Variants in PTPN6 observed in about 807,000 individuals in gnomAD.
The protein encoded by PTPN6 is protein tyrosine phosphatase non-receptor type 6.
PTPN6 carries 18 observed loss-of-function variants against 81.5 expected under a neutral mutation model. That is an observed-to-expected ratio of 0.22 (90% CI 0.15 to 0.33). The LOEUF (loss-of-function observed/expected upper bound fraction) is 0.33, where lower values mean the gene tolerates loss of function less well. Ranked by LOEUF, PTPN6 falls within the 10% of genes least tolerant of loss-of-function variation. PTPN6 has a pLI of 1.00. For synonymous variants in PTPN6, 301 were observed against 310.9 expected, an observed-to-expected ratio of 0.97 and a Z score of 0.33; for missense variants, 500 against 794.2, an observed-to-expected ratio of 0.63 and a Z score of 4.45.
upstream of PTPN6, among the ~76,000 whole-genome samples, chr12:6,950,507 G>A (rs750758873): frequency 1.3e-5 from 2 of 152,188 alleles, no homozygotes; most frequent in Non-Finnish European, 2.9e-5. Context: ...CCTGGTGGGA[G>A]TGCTGGGGCA....
Position 6,951,862 on chromosome 12 carries a change from C to A in PTPN6, c.132-121C>A, listed in dbSNP as rs782765425. 2 of 1,561,710 alleles carry A rather than the reference C, an allele frequency of 1.3e-6. No individual in the cohort carries two copies. Among genetic ancestry groups the A allele is most frequent in the Non-Finnish European group, 1.7e-6 (2 of 1,143,842 alleles). On this transcript the variant is annotated intron_variant, in intron 2 of 15. Coordinates refer to ENST00000318974, the MANE Select transcript of PTPN6 (RefSeq NM_002831.6). This position sits in a 1 kb window ranked among gnomAD's most constrained non-coding sequence, Gnocchi z 7.2. ...TGTTCCCTTGCCCCCAACCCCCACA[C>A]TCCCCATCCCTGTCTGTGCCCACCC...
chr12:6,960,267 G>T lies in PTPN6; in HGVS notation c.1581+28G>T, dbSNP rs371725516. 2.3e-5 allele frequency: 37 copies of T among 1,607,114 alleles called. No homozygotes were observed. Among genetic ancestry groups the T allele is most frequent in the East Asian group, 4.5e-5 (2 of 44,708 alleles). On this transcript the variant is annotated intron_variant, in intron 13 of 15. Coordinates refer to ENST00000318974, the MANE Select transcript of PTPN6 (RefSeq NM_002831.6). The surrounding 1 kb of genome is among the most constrained non-coding windows in gnomAD (Gnocchi z 6.1). ...GCGTGCAGAGCAGGGCCTGGGGGGG[G>T]GGGGGGCTGCAGTGCAGGATGGGTG...
In PTPN6 at chr12:6,956,347, CA is replaced by C; in HGVS notation, c.925-71del. On this transcript the variant is annotated intron_variant, in intron 8 of 15. Coordinates refer to ENST00000318974, the MANE Select transcript of PTPN6 (RefSeq NM_002831.6). The surrounding 1 kb of genome is among the most constrained non-coding windows in gnomAD (Gnocchi z 4.1). Reference sequence around the variant, plus strand: ...TGGCTTCTTGCATGGGTGAGGGTGGCAGTGGTTCAGGGCCTGTGCTGGGCCA... The same window carrying C: ...TGGCTTCTTGCATGGGTGAGGGTGGCGTGGTTCAGGGCCTGTGCTGGGCCA... 1.9e-6 allele frequency: 3 copies of C among 1,612,136 alleles called. No homozygotes were observed. In the South Asian group the frequency reaches 3.3e-5, roughly 18 times the overall value.
At position 6,956,718 on chromosome 12, in the gene PTPN6, C is replaced by A; in HGVS notation, c.1074+150C>A. On this transcript the variant is annotated intron_variant, in intron 9 of 15. Coordinates refer to ENST00000318974, the MANE Select transcript of PTPN6 (RefSeq NM_002831.6). The surrounding 1 kb of genome is among the most constrained non-coding windows in gnomAD (Gnocchi z 4.1). ...CTGAGGGCTAGTGACAAAGTCTCGA[C>A]TACACAACGTGACCCCCAGATCCCT... 1.9e-6 allele frequency: 2 copies of A among 1,068,270 alleles called. No homozygotes were observed. Among genetic ancestry groups the A allele is most frequent in the Non-Finnish European group, 2.7e-6 (2 of 734,226 alleles). 66.2% of individuals were successfully genotyped at this position (1,068,270 alleles called of 1,614,324 possible).
Position 6,956,681 on chromosome 12 carries a change from C to A in PTPN6, c.1074+113C>A. 1.4e-6 allele frequency: 2 copies of A among 1,426,576 alleles called. No individual in the cohort carries two copies. The highest frequency in any genetic ancestry group is 1.9e-6 in the Non-Finnish European group (2 of 1,036,530). The allele number at this position is 1,426,576 out of a possible 1,614,324, so 88.4% of individuals were successfully genotyped here. The stretch of plus-strand genomic sequence containing the variant: ...GGATCTCAGGGGTGAGGGTCCGGCC[C>A]TTGTTGGGAAACTGAGGGCTAGTGA... On this transcript the variant is annotated intron_variant, in intron 9 of 15. Coordinates refer to ENST00000318974, the MANE Select transcript of PTPN6 (RefSeq NM_002831.6). This position sits in a 1 kb window ranked among gnomAD's most constrained non-coding sequence, Gnocchi z 4.1.
rs1946090079 is a variant in PTPN6 at position 6,959,483 on chromosome 12, A to G, written c.1362-444A>G. On this transcript the variant is annotated intron_variant, in intron 11 of 15. Transcript: ENST00000318974. This position sits in a 1 kb window ranked among gnomAD's most constrained non-coding sequence, Gnocchi z 6.6. ...CCCCGCACCCTGCTGTCTCAGGGCT[A>G]TCCTTTCCCTGACGTCAGGGTTTGA... The G allele has an allele frequency of 1.7e-5, 5 of 289,564 alleles. No homozygotes were observed. The highest frequency in any genetic ancestry group is 1.7e-4 in the South Asian group (5 of 30,146). The allele number at this position is 289,564 out of a possible 1,614,324, so 17.9% of individuals were successfully genotyped here.
chr12:6,961,046 T>G (rs1252231741), intron 15 of PTPN6, 80 bp from the exon 16 acceptor site: 1 of 1,512,556 alleles, frequency 6.6e-7, no homozygotes, highest in Non-Finnish European at 8.9e-7. Context: ...CATTCTGTGC[T>G]TCCCAGCTGC....
chr12:6,955,301 C>G lies in PTPN6; in HGVS notation c.633+34C>G. 6.2e-7 allele frequency: 1 copy of G among 1,611,818 alleles called. No individual in the cohort carries two copies. The highest frequency in any genetic ancestry group is 1.3e-5 in the African/African-American group (1 of 74,988). On this transcript the variant is annotated intron_variant, in intron 5 of 15. Coordinates refer to ENST00000318974, the MANE Select transcript of PTPN6 (RefSeq NM_002831.6). The surrounding 1 kb of genome is among the most constrained non-coding windows in gnomAD (Gnocchi z 7.2). Reference sequence around the variant, plus strand: ...TGGGCCCAGCTGCCTCCCCACTTCCCCTGAGCTGTCCCCCAGATGTGAGCT... The same window carrying G: ...TGGGCCCAGCTGCCTCCCCACTTCCGCTGAGCTGTCCCCCAGATGTGAGCT...
At position 6,955,378 on chromosome 12, in the gene PTPN6, T is replaced by C. The variant is rs1555148455; in HGVS notation, c.640T>C (p.Tyr214His). The change falls in exon 6 of 16, where the codon TAT becomes CAT. Residue 214 changes from tyrosine to histidine, a missense_variant. Around this residue, in one of 6 missense-constraint regions of PTPN6, gnomAD observed 96 missense variants for 137.3 expected, o/e 0.70. Transcript: ENST00000318974. The surrounding 1 kb of genome is among the most constrained non-coding windows in gnomAD (Gnocchi z 7.2). ...TCGCTCTTCCCCACCCCAGCCGTACTATGCCACGAGGGTGAATGCGGCTGA... is the reference window on the plus strand; with the variant it reads ...TCGCTCTTCCCCACCCCAGCCGTACCATGCCACGAGGGTGAATGCGGCTGA... ...GAFVYLRQPY[Y>H]ATRVNAADIE... 3 of 1,614,104 alleles carry C rather than the reference T, an allele frequency of 1.9e-6. No homozygotes were observed.
At position 6,960,265 on chromosome 12, in the gene PTPN6, G is replaced by GGA; in HGVS notation, c.1581+27_1581+28insAG. The GGA allele has an allele frequency of 6.2e-7, 1 of 1,607,048 alleles. No homozygotes were observed. Among genetic ancestry groups the GGA allele is most frequent in the Non-Finnish European group, 8.5e-7 (1 of 1,178,382 alleles). ...GTGCGTGCAGAGCAGGGCCTGGGGG[G>GGA]GGGGGGGGCTGCAGTGCAGGATGGG... On this transcript the variant is annotated intron_variant, in intron 13 of 15. Transcript: ENST00000318974. The surrounding 1 kb of genome is among the most constrained non-coding windows in gnomAD (Gnocchi z 6.1).
chr12:6,947,676 A>T (rs1331778000), upstream of PTPN6, among the ~76,000 whole-genome samples: 9 of 151,794 alleles, frequency 5.9e-5, no homozygotes, highest in Non-Finnish European at 1.3e-4. Context: ...CTCAAAAAAA[A>T]AAAAAAAAAA....
chr12:6,955,897 G>T lies in PTPN6; in HGVS notation c.844+141G>T, dbSNP rs1277510153. On this transcript the variant is annotated intron_variant, in intron 7 of 15. Transcript: ENST00000318974. This position sits in a 1 kb window ranked among gnomAD's most constrained non-coding sequence, Gnocchi z 7.2. ...ACAGAGCCTCCCCCTTCTCCAAAAG[G>T]CCTCTACTCCTCCCAGAAGTGCCTC... The T allele has an allele frequency of 2.2e-6, 2 of 889,162 alleles. No individual in the cohort carries two copies. The highest frequency in any genetic ancestry group is 3.4e-5 in the African/African-American group (2 of 59,402). 55.1% of individuals were successfully genotyped at this position (889,162 alleles called of 1,614,324 possible). A position where few individuals can be genotyped will look rare whatever the true frequency, so the allele number is the denominator to read the frequency against.
chr12:6,949,393 A>T (rs1024451494), upstream of PTPN6, among the ~76,000 whole-genome samples: 4 of 152,186 alleles, frequency 2.6e-5, no homozygotes. Context: ...GGGCTGTGGC[A>T]GTGCCCATCC....
upstream of PTPN6, among the ~76,000 whole-genome samples, chr12:6,947,177 C>T (rs1945837761): frequency 6.6e-6 from 1 of 152,214 alleles, no homozygotes; most frequent in Non-Finnish European, 1.5e-5. Flanking sequence ...TCCCTTTCCC[C>T]TGCATCATTC....
Position 6,956,107 on chromosome 12 carries a change from C to A in PTPN6, c.845-35C>A. 6.2e-7 allele frequency: 1 copy of A among 1,610,628 alleles called. No homozygotes were observed. Among genetic ancestry groups the A allele is most frequent in the East Asian group, 2.2e-5 (1 of 44,858 alleles). On this transcript the variant is annotated intron_variant, in intron 7 of 15. Coordinates refer to ENST00000318974, the MANE Select transcript of PTPN6 (RefSeq NM_002831.6). The surrounding 1 kb of genome is among the most constrained non-coding windows in gnomAD (Gnocchi z 4.1). ...CAGGTGTGGTGAGTCCCTGGCTAAC[C>A]CAGACCATCTCGCCTCCTCTCCGCC...
Position 6,952,282 on chromosome 12 carries a change from A to T in PTPN6, c.326+105A>T. ...TGGCAGCCGGCGCTGCCTACCCTCC[A>T]TCCCCTCCCCTCCCTGCACCAGCTG... On this transcript the variant is annotated intron_variant, in intron 3 of 15. Transcript: ENST00000318974. The surrounding 1 kb of genome is among the most constrained non-coding windows in gnomAD (Gnocchi z 8.1). 1 of 1,367,362 alleles carries T rather than the reference A, an allele frequency of 7.3e-7. No individual in the cohort carries two copies. The highest frequency in any genetic ancestry group is 1.0e-6 in the Non-Finnish European group (1 of 968,062). The allele number at this position is 1,367,362 out of a possible 1,614,324, so 84.7% of individuals were successfully genotyped here. A position where few individuals can be genotyped will look rare whatever the true frequency, so the allele number is the denominator to read the frequency against.
At chr12:6,946,618 C>A, upstream of PTPN6, 1 of 886,640 alleles carries the variant, frequency 1.1e-6, no homozygotes, top group Non-Finnish European at 1.9e-6. Context: ...TGGCTGATTA[C>A]TGAGCGGTTC....
In PTPN6 at chr12:6,956,073, G is replaced by T. The variant is rs957449327; in HGVS notation, c.845-69G>T. ...CCAGAATGGCCTGTTAGCTCAGGAG[G>T]GTCTGACCCAGGTGTGGTGAGTCCC... On this transcript the variant is annotated intron_variant, in intron 7 of 15. Transcript: ENST00000318974. The surrounding 1 kb of genome is among the most constrained non-coding windows in gnomAD (Gnocchi z 4.1). 5.0e-5 allele frequency: 75 copies of T among 1,506,362 alleles called. No homozygotes were observed. In the East Asian group the frequency reaches 5.9e-4, roughly 12 times the overall value. 93.3% of individuals were successfully genotyped at this position (1,506,362 alleles called of 1,614,324 possible).
chr12:6,957,032 A>G lies in PTPN6; in HGVS notation c.1074+464A>G, dbSNP rs1555148826. On this transcript the variant is annotated intron_variant, in intron 9 of 15. Coordinates refer to ENST00000318974, the MANE Select transcript of PTPN6 (RefSeq NM_002831.6). This position sits in a 1 kb window ranked among gnomAD's most constrained non-coding sequence, Gnocchi z 6.5. Reference sequence around the variant, plus strand: ...ATAAAGTCGCACTCTAAGGCCTGGCATTCAAGGTCTGGTGGCTTCCCTCTG... The same window carrying G: ...ATAAAGTCGCACTCTAAGGCCTGGCGTTCAAGGTCTGGTGGCTTCCCTCTG... Among the ~76,000 whole-genome samples the G allele has an allele frequency of 6.6e-6, 1 of 152,182 alleles. No individual in the cohort carries two copies. Among genetic ancestry groups the G allele is most frequent in the Non-Finnish European group, 1.5e-5 (1 of 68,042 alleles).
Sources: gnomAD v4.1 joint callset for allele counts (sites outside exome capture counted in the v4.1 genomes callset) on GRCh38, gnomAD v4.1.1 for gene constraint, gnomAD v4.1.1 regional missense constraint, Gnocchi (gnomAD v3.1) non-coding constraint, MANE v1.5 for transcripts, NCBI Gene and HGNC (gene_info 2026-07-23, HGNC 2026-07-21) for gene names.